CADM2: variants seen among roughly 807,000 people sequenced by gnomAD.
CADM2 encodes the protein immunoglobulin superfamily member 4D.
Under a neutral mutation model 49.8 loss-of-function variants are expected in CADM2, and 12 were observed. The observed-to-expected ratio is 0.24, with a 90% CI of 0.15 to 0.39. CADM2 has a LOEUF of 0.39. CADM2 is among the 10% of genes least tolerant of loss of function. CADM2 has a pLI of 1.00. For synonymous variants in CADM2, 214 were observed against 175.4 expected (o/e 1.22, Z -1.74); for missense variants, 378 against 492.3 (o/e 0.77, Z 2.20).
intron 4 of CADM2, 142 bp from the exon 5 acceptor site, chr3:85,886,048 T>A: frequency 8.0e-7 from 1 of 1,251,174 alleles, no homozygotes; most frequent in Non-Finnish European, 1.1e-6. Context: ...ATGAAGCAGT[T>A]TATTACATAG....
intron 3 of CADM2, among the ~76,000 whole-genome samples, chr3:85,835,815 TTATTA>T (rs2074386592): frequency 6.7e-6 from 1 of 149,668 alleles, no homozygotes; most frequent in Non-Finnish European, 1.5e-5. Flanking sequence ...TAGACTGATT[TTATTA>T]TATTATATTC....
chr3:85,745,351 G>A (rs72914830), intron 2 of CADM2, among the ~76,000 whole-genome samples: 6,008 of 152,092 alleles, frequency 0.04, 374 homozygotes, highest in African/African-American at 0.14. Context: ...TCCTGACTGT[G>A]TGTCTTCTTT....
intron 1 of CADM2, among the ~76,000 whole-genome samples, chr3:85,473,245 A>G (rs1273964119): frequency 1.3e-5 from 2 of 152,084 alleles, no homozygotes; most frequent in Non-Finnish European, 2.9e-5. Context: ...ACAGTGAGAG[A>G]TAACGAAGGA....
chr3:85,942,604 G>T (rs1358322217), intron 7 of CADM2, among the ~76,000 whole-genome samples: 1 of 151,116 alleles, frequency 6.6e-6, no homozygotes. Context: ...TTGTTCTTGC[G>T]ATAGTTTACT....
chr3:86,014,729 C>T (rs1356984836), intron 8 of CADM2: 3 of 1,509,210 alleles, frequency 2.0e-6, no homozygotes, highest in East Asian at 2.3e-5. Context: ...GTAGAAGTGA[C>T]TTACCCAATA....
At position 84,968,047 on chromosome 3, in the gene CADM2, C is replaced by T. The variant is rs2031143813; in HGVS notation, c.61+8379C>T. On this transcript the variant is annotated intron_variant, in intron 1 of 9. Transcript: ENST00000383699. ...TACGAAATCAGTTCTCATACTTAAC[C>T]CTTTCAGGAGGTTTGGAATTCTCCC... 2.0e-5 allele frequency among the ~76,000 whole-genome samples: 3 copies of T among 152,104 alleles called. No individual in the cohort carries two copies. In the South Asian group the frequency reaches 6.2e-4, roughly 32 times the overall value.
At chr3:85,409,738 T>G (rs2035570965) in intron 1 of CADM2, among the ~76,000 whole-genome samples, 1 of 152,092 alleles carries the variant, frequency 6.6e-6, no homozygotes, top group Non-Finnish European at 1.5e-5. Context: ...ATGAAGGCAC[T>G]AAAATTGAAT....
chr3:85,928,184 G>C (rs1218060052), intron 6 of CADM2, among the ~76,000 whole-genome samples: 1 of 145,780 alleles, frequency 6.9e-6, no homozygotes, highest in East Asian at 2.0e-4. Context: ...TTTTGAAATG[G>C]AGTCTTGCTC....
chr3:85,221,921 A>T (rs982239467), intron 1 of CADM2, among the ~76,000 whole-genome samples: 1 of 152,154 alleles, frequency 6.6e-6, no homozygotes. Context: ...TAAAGAAAGC[A>T]AAATATAGCA....
chr3:85,473,786 G>C (rs1173456338), intron 1 of CADM2, among the ~76,000 whole-genome samples: 1 of 151,996 alleles, frequency 6.6e-6, no homozygotes, highest in Non-Finnish European at 1.5e-5. Context: ...TACTATTGTA[G>C]GTTCATATAT....
intron 1 of CADM2, among the ~76,000 whole-genome samples, chr3:85,645,486 T>C (rs962400369): frequency 3.9e-5 from 6 of 152,002 alleles, no homozygotes; most frequent in Non-Finnish European, 8.8e-5. Flanking sequence ...TACATAAAAA[T>C]AAATATAAAT....
chr3:85,133,326 AG>A (rs1195968147), intron 1 of CADM2, among the ~76,000 whole-genome samples: 2 of 152,200 alleles, frequency 1.3e-5, no homozygotes, highest in Non-Finnish European at 2.9e-5. Flanking sequence ...GGTAGAGCCC[AG>A]TGGTCTGTTT....
At chr3:85,168,495 T>C (rs1176141746) in intron 1 of CADM2, among the ~76,000 whole-genome samples, 1 of 152,212 alleles carries the variant, frequency 6.6e-6, no homozygotes, top group Non-Finnish European at 1.5e-5. Context: ...AACACTTAGT[T>C]TATCTGGTTT....
At chr3:85,717,071 A>G (rs1453441854) in intron 1 of CADM2, among the ~76,000 whole-genome samples, 1 of 152,176 alleles carries the variant, frequency 6.6e-6, no homozygotes, top group Non-Finnish European at 1.5e-5. Flanking sequence ...AATTGAATCT[A>G]TAAATTACTT....
intron 1 of CADM2, among the ~76,000 whole-genome samples, chr3:85,489,986 C>T (rs141029458): frequency 1.7e-3 from 257 of 152,174 alleles, no homozygotes; most frequent in Non-Finnish European, 2.9e-3. Flanking sequence ...ATATTCATTA[C>T]TGAAATCCTA....
intron 1 of CADM2, among the ~76,000 whole-genome samples, chr3:85,511,111 T>C (rs769272255): frequency 6.6e-6 from 1 of 152,092 alleles, no homozygotes; most frequent in Non-Finnish European, 1.5e-5. Flanking sequence ...CTTCAGTTGA[T>C]GTAAACTACC....
At chr3:85,557,338 G>A (rs570290412) in intron 1 of CADM2, among the ~76,000 whole-genome samples, 2 of 151,796 alleles carry the variant, frequency 1.3e-5, no homozygotes, top group African/African-American at 4.8e-5. Context: ...AGAAATTAGA[G>A]AACAAAGTAA....
intron 5 of CADM2, among the ~76,000 whole-genome samples, chr3:85,906,577 C>T (rs540060858): frequency 1.0e-3 from 154 of 152,218 alleles, no homozygotes; most frequent in Non-Finnish European, 1.9e-3. Context: ...ATGACTGGTA[C>T]TTCCTTCAAA....
At chr3:85,085,179 T>G (rs926271125) in intron 1 of CADM2, among the ~76,000 whole-genome samples, 1 of 152,100 alleles carries the variant, frequency 6.6e-6, no homozygotes, top group Admixed American at 6.6e-5. Flanking sequence ...TCAGCCTAAC[T>G]GAAACTTTGT....
Sources: allele counts gnomAD v4.1 joint callset (sites outside exome capture counted in the v4.1 genomes callset), GRCh38; gene constraint gnomAD v4.1.1; transcripts MANE v1.5; gene names NCBI Gene and HGNC (gene_info 2026-07-23, HGNC 2026-07-21).